EPHA7: variants seen among roughly 807,000 people sequenced by gnomAD.
EPHA7 encodes the protein EPH receptor A7, also known as ephrin type-A receptor 7.
Under a neutral mutation model 112.6 loss-of-function variants are expected in EPHA7, and 25 were observed. The observed-to-expected ratio is 0.22, with a 90% CI of 0.16 to 0.31. The LOEUF is 0.31. EPHA7 is among the 10% of genes least tolerant of loss of function. EPHA7 has a pLI of 1.00. For missense variants in EPHA7, 962 were observed against 1,212.6 expected (o/e 0.79, Z 3.07); for synonymous variants, 437 against 406.5 (o/e 1.07, Z -0.90).
At chr6:93,340,907 C>T (rs1420428117) in intron 5 of EPHA7, among the ~76,000 whole-genome samples, 2 of 151,896 alleles carry the variant, frequency 1.3e-5, no homozygotes, top group African/African-American at 2.4e-5. Context: ...AATGCCATCA[C>T]AATCTATGGC....
At chr6:93,289,269 A>T (rs1402608056) in intron 5 of EPHA7, among the ~76,000 whole-genome samples, 1 of 152,174 alleles carries the variant, frequency 6.6e-6, no homozygotes, top group Admixed American at 6.5e-5. Context: ...CAGAGAAGCA[A>T]ATTAGTGATA....
At chr6:93,344,336 A>G (rs140807845) in intron 5 of EPHA7, among the ~76,000 whole-genome samples, 302 of 151,658 alleles carry the variant, frequency 2.0e-3, no homozygotes, top group African/African-American at 6.8e-3. Context: ...GTGTGAGGCT[A>G]TATTTGGGTT....
chr6:93,250,314 G>T (rs1444185415), intron 14 of EPHA7, among the ~76,000 whole-genome samples: 1 of 152,086 alleles, frequency 6.6e-6, no homozygotes, highest in Non-Finnish European at 1.5e-5. Context: ...TAGCCTAGCA[G>T]TAAAACAATT....
intron 7 of EPHA7, among the ~76,000 whole-genome samples, chr6:93,266,377 A>T (rs529559189): frequency 6.6e-6 from 1 of 151,694 alleles, no homozygotes; most frequent in Non-Finnish European, 1.5e-5. Flanking sequence ...CAGAAAGAGA[A>T]CTCTAATGAG....
intron 3 of EPHA7, among the ~76,000 whole-genome samples, chr6:93,382,635 C>T (rs1777394254): frequency 6.6e-6 from 1 of 152,106 alleles, no homozygotes; most frequent in Non-Finnish European, 1.5e-5. Context: ...CCAGCCATTT[C>T]CCCACCTTAC....
intron 14 of EPHA7, among the ~76,000 whole-genome samples, chr6:93,249,311 G>GTTAAGTGCT (rs1770103032): frequency 6.6e-6 from 1 of 152,056 alleles, no homozygotes; most frequent in Admixed American, 6.6e-5. Flanking sequence ...TAAGTGCTAA[G>GTTAAGTGCT]AATTTCAGTG....
chr6:93,353,309 G>A lies in EPHA7; in HGVS notation c.1324+3408C>T, dbSNP rs1262634473. Among the ~76,000 whole-genome samples, 5 of 152,024 alleles carry A rather than the reference G, an allele frequency of 3.3e-5. No homozygotes were observed. The East Asian group carries it at 7.7e-4, about 23-fold the overall frequency. On this transcript the variant is annotated intron_variant, in intron 5 of 16. Coordinates refer to ENST00000369303, the MANE Select transcript of EPHA7 (RefSeq NM_004440.4). ...AAAATGTATGGTTCAGCCAGCTTGT[G>A]TATGGCATGTTCATGATAAGTAAAT...
At chr6:93,370,228 CA>C in intron 3 of EPHA7, among the ~76,000 whole-genome samples, 1 of 152,196 alleles carries the variant, frequency 6.6e-6, no homozygotes, top group Non-Finnish European at 1.5e-5. Context: ...TAAGTTATAA[CA>C]AAACTATCAT....
At chr6:93,270,510 CTATT>C (rs1178567286) in intron 6 of EPHA7, among the ~76,000 whole-genome samples, 3 of 151,334 alleles carry the variant, frequency 2.0e-5, no homozygotes, top group Admixed American at 1.3e-4. Flanking sequence ...TTCTCACAAG[CTATT>C]TATGAATAAA....
chr6:93,419,382 A>C lies in EPHA7; in HGVS notation c.-41T>G, dbSNP rs1401612399. On this transcript the variant is annotated 5_prime_UTR_variant, in exon 1 of 17. Transcript: ENST00000369303. ...TTTATTTTAGGTTTCAGTTATCTTG[A>C]GTCGTGGATTTTTAAATGCTGTTTG... 6.5e-7 allele frequency: 1 copy of C among 1,529,014 alleles called. No homozygotes were observed. Among genetic ancestry groups the C allele is most frequent in the South Asian group, 1.1e-5 (1 of 88,526 alleles). The allele number at this position is 1,529,014 out of a possible 1,614,324, so 94.7% of individuals were successfully genotyped here. A position where few individuals can be genotyped will look rare whatever the true frequency, so the allele number is the denominator to read the frequency against.
At chr6:93,308,574 T>C (rs1214009531) in intron 5 of EPHA7, among the ~76,000 whole-genome samples, 1 of 152,124 alleles carries the variant, frequency 6.6e-6, no homozygotes, top group Non-Finnish European at 1.5e-5. Context: ...TACTTACGTG[T>C]TTATTTTCAA....
chr6:93,249,273 G>A (rs1770099790), intron 14 of EPHA7, among the ~76,000 whole-genome samples: 1 of 152,062 alleles, frequency 6.6e-6, no homozygotes, highest in African/African-American at 2.4e-5. Context: ...ATAAGTACAG[G>A]AGAAATTATA....
intron 5 of EPHA7, among the ~76,000 whole-genome samples, chr6:93,320,225 T>G (rs1011057911): frequency 6.6e-6 from 1 of 152,038 alleles, no homozygotes; most frequent in Admixed American, 6.6e-5. Flanking sequence ...TGGTTTTATT[T>G]TACTCAGAAG....
intron 14 of EPHA7, among the ~76,000 whole-genome samples, chr6:93,249,969 C>T (rs1312903299): frequency 6.6e-6 from 1 of 152,074 alleles, no homozygotes. Flanking sequence ...TACTGCATTA[C>T]AGAAATTTAA....
chr6:93,283,427 T>C (rs1771876739), intron 5 of EPHA7, among the ~76,000 whole-genome samples: 1 of 152,146 alleles, frequency 6.6e-6, no homozygotes, highest in South Asian at 2.1e-4. Context: ...CCTTCCACAC[T>C]GTGGAAGCTT....
intron 5 of EPHA7, among the ~76,000 whole-genome samples, chr6:93,310,439 C>A (rs905132527): frequency 4.6e-5 from 7 of 152,066 alleles, no homozygotes; most frequent in African/African-American, 1.7e-4. Flanking sequence ...GTCCAAGTTG[C>A]GTGGATGATG....
intron 14 of EPHA7, among the ~76,000 whole-genome samples, chr6:93,251,623 A>AACAT (rs1554167342): frequency 6.6e-6 from 1 of 150,888 alleles, no homozygotes; most frequent in Non-Finnish European, 1.5e-5. Context: ...CTAGAAGAAA[A>AACAT]AAAATCTATA....
rs1277605416 is a variant in EPHA7, at chr6:93,269,612, C to T, written c.1498G>A (p.Ala500Thr). ...CCTGGTTTCAGATTATTAATGGAGG[C>T]TGAAGTAGACTTGGTTTTTACTGTT... ...YSTVKTKSTS[A>T]SINNLKPGTV... Residue 500 changes from alanine (A) to threonine (T), a missense_variant, in exon 7 of 17, where the codon GCC (alanine) becomes ACC (threonine). By Grantham distance (58) the Ala-to-Thr change is moderately conservative (BLOSUM62 0). This residue lies in a region of EPHA7 where 746 missense variants were observed against 889.2 expected (regional missense o/e 0.84). Transcript: ENST00000369303. 1.3e-6 allele frequency: 2 copies of T among 1,595,366 alleles called. No individual in the cohort carries two copies. Among genetic ancestry groups the T allele is most frequent in the African/African-American group, 1.4e-5 (1 of 73,192 alleles).
At position 93,414,703 on chromosome 6, in the gene EPHA7, C is replaced by A; in HGVS notation, c.162G>T (p.Gly54=). 6.2e-7 allele frequency: 1 copy of A among 1,610,794 alleles called. No homozygotes were observed. The highest frequency in any genetic ancestry group is 8.5e-7 in the Non-Finnish European group (1 of 1,177,848). ...ELEWISSPPN[G]WEEISGLDEN... is the part of the protein sequence containing the mutation. ...ATATTTTATGATGAAAAAAACTTACCCCATTGGGTGGAGAGGAAATCCACT... is the reference window on the plus strand; with the variant it reads ...ATATTTTATGATGAAAAAAACTTACACCATTGGGTGGAGAGGAAATCCACT... The change falls in exon 2 of 17, where the codon GGG becomes GGT. Residue 54 remains glycine (G), a splice_region_variant and synonymous_variant. Transcript: ENST00000369303.
Sources: allele counts gnomAD v4.1 joint callset (sites outside exome capture counted in the v4.1 genomes callset), GRCh38; gene constraint gnomAD v4.1.1; regional missense constraint gnomAD v4.1.1; transcripts MANE v1.5; gene names NCBI Gene and HGNC (gene_info 2026-07-23, HGNC 2026-07-21).